Variants in EPS8 observed in about 807,000 individuals in gnomAD.
EPS8 encodes EGFR pathway substrate 8, signaling adaptor, also known as epidermal growth factor receptor kinase substrate 8.
Under a neutral mutation model 103.8 loss-of-function variants are expected in EPS8, and 42 were observed. The observed-to-expected ratio is 0.40, with a 90% CI of 0.32 to 0.52. The LOEUF (loss-of-function observed/expected upper bound fraction) is 0.52. Ranked by LOEUF, EPS8 falls within the 20% of genes least tolerant of loss-of-function variation. The probability of loss-of-function intolerance (pLI) is 0.40; values close to 1 mark genes in which losing one functional copy is unlikely to be tolerated. For synonymous variants in EPS8, 344 were observed against 344.6 expected (o/e 1.00, Z 0.02); for missense variants, 969 against 1,005.1 (o/e 0.96, Z 0.49).
At chr12:15,768,009 A>C (rs1007174635) in intron 1 of EPS8, among the ~76,000 whole-genome samples, 1 of 152,244 alleles carries the variant, frequency 6.6e-6, no homozygotes, top group African/African-American at 2.4e-5. Flanking sequence ...TGCAGTTAAG[A>C]ATTAACCTAA....
chr12:15,707,201 G>C (rs1565510691), intron 1 of EPS8, among the ~76,000 whole-genome samples: 1 of 152,110 alleles, frequency 6.6e-6, no homozygotes, highest in Admixed American at 6.6e-5. Flanking sequence ...ATGTATTTCA[G>C]GTCAGGGGTT....
intron 1 of EPS8, among the ~76,000 whole-genome samples, chr12:15,719,220 C>T (rs1946567592): frequency 6.6e-6 from 1 of 151,848 alleles, no homozygotes; most frequent in Non-Finnish European, 1.5e-5. Context: ...TATATATACA[C>T]ACATACATAC....
At chr12:15,644,946 A>G (rs2135768222) in intron 15 of EPS8, among the ~76,000 whole-genome samples, 1 of 152,308 alleles carries the variant, frequency 6.6e-6, no homozygotes, top group Non-Finnish European at 1.5e-5. Flanking sequence ...GCTCCTATTA[A>G]GTCCAGCTGA....
chr12:15,671,054 G>T, intron 3 of EPS8, 131 bp from the exon 4 acceptor site: 1 of 559,248 alleles, frequency 1.8e-6, no homozygotes, highest in Non-Finnish European at 3.1e-6. Context: ...TTGCCATTGT[G>T]TGGTGTATCT....
At chr12:15,661,101 A>G (rs1464345791) in intron 9 of EPS8, among the ~76,000 whole-genome samples, 1 of 152,184 alleles carries the variant, frequency 6.6e-6, no homozygotes, top group African/African-American at 2.4e-5. Flanking sequence ...TTACTGATAA[A>G]TGTCCCAATA....
chr12:15,628,571 C>T (rs1469703834), intron 18 of EPS8, among the ~76,000 whole-genome samples: 2 of 152,128 alleles, frequency 1.3e-5, no homozygotes, highest in Non-Finnish European at 2.9e-5. Flanking sequence ...AAAGGAGAAC[C>T]TTTTGGGATC....
At chr12:15,660,410 C>T (rs954651341) in intron 10 of EPS8, among the ~76,000 whole-genome samples, 3 of 151,956 alleles carry the variant, frequency 2.0e-5, no homozygotes, top group Non-Finnish European at 4.4e-5. Flanking sequence ...ATTACAGGCA[C>T]ATGCCACCAT....
chr12:15,741,779 T>C (rs542018154), intron 1 of EPS8, among the ~76,000 whole-genome samples: 22 of 152,248 alleles, frequency 1.4e-4, no homozygotes, highest in African/African-American at 5.3e-4. Flanking sequence ...TTGTTACATA[T>C]GTATACATGT....
chr12:15,765,570 T>C (rs1416597972), intron 1 of EPS8, among the ~76,000 whole-genome samples: 2 of 152,094 alleles, frequency 1.3e-5, no homozygotes, highest in African/African-American at 4.8e-5. Context: ...AAAATTGTTT[T>C]AATTATTAAA....
intron 1 of EPS8, among the ~76,000 whole-genome samples, chr12:15,724,210 C>T (rs948263854): frequency 2.0e-5 from 3 of 152,034 alleles, no homozygotes; most frequent in Non-Finnish European, 2.9e-5. Flanking sequence ...ACCAAAAAGT[C>T]TTCTTTCAAA....
chr12:15,684,664 C>T lies in EPS8; in HGVS notation c.-21-1692G>A, dbSNP rs556610995. 5.9e-5 allele frequency among the ~76,000 whole-genome samples: 9 copies of T among 152,032 alleles called. No homozygotes were observed. The highest frequency in any genetic ancestry group is 4.2e-4 in the South Asian group (2 of 4,810). On this transcript the variant is annotated intron_variant, in intron 1 of 20. Transcript: ENST00000281172. This position sits in a 1 kb window ranked among gnomAD's most constrained non-coding sequence, Gnocchi z 4.9. The stretch of plus-strand genomic sequence containing the variant: ...CTCTATTTTAAATCTGCTAGAAGTT[C>T]GGAGAGGGAAAAGGCCATGAAGACT...
At position 15,651,013 on chromosome 12, in the gene EPS8, G is replaced by A; in HGVS notation, c.1251-7C>T. On this transcript the variant is annotated splice_polypyrimidine_tract_variant and splice_region_variant and intron_variant, in intron 13 of 20. Transcript: ENST00000281172. ...TTCTTTTGGCCACTCTGCTCTGCAGGAGGGAATGAAGGCATATAAACAATA... is the reference window on the plus strand; with the variant it reads ...TTCTTTTGGCCACTCTGCTCTGCAGAAGGGAATGAAGGCATATAAACAATA... The A allele has an allele frequency of 6.2e-7, 1 of 1,610,490 alleles. No individual in the cohort carries two copies. The highest frequency in any genetic ancestry group is 1.1e-5 in the South Asian group (1 of 90,292).
intron 1 of EPS8, among the ~76,000 whole-genome samples, chr12:15,729,363 T>A (rs760752404): frequency 5.3e-5 from 8 of 152,206 alleles, no homozygotes; most frequent in Non-Finnish European, 7.4e-5. Flanking sequence ...CTTTCTCTCT[T>A]TCTTCTCCTC....
rs185718560 is a variant in EPS8 at position 15,738,019 on chromosome 12, A to T, written c.-22+51142T>A. Among the ~76,000 whole-genome samples, 1,213 of 152,274 alleles carry T rather than the reference A, an allele frequency of 8.0e-3. 14 individuals carry two copies. The highest frequency in any genetic ancestry group is 0.027 in the African/African-American group (1,132 of 41,568). ...AAACTTTAAAATTAGCTAAACAAAT[A>T]GTAAATGAGGGGAATTCGCTCTTCA... On this transcript the variant is annotated intron_variant, in intron 1 of 20. Coordinates refer to ENST00000281172, the MANE Select transcript of EPS8 (RefSeq NM_004447.6). This position sits in a 1 kb window ranked among gnomAD's most constrained non-coding sequence, Gnocchi z 6.2.
At chr12:15,666,148 T>C (rs1263575718) in intron 7 of EPS8, among the ~76,000 whole-genome samples, 1 of 152,244 alleles carries the variant, frequency 6.6e-6, no homozygotes, top group Non-Finnish European at 1.5e-5. Context: ...ATTACAATCC[T>C]ACTGTCTAGC....
rs1218718050 is a variant in EPS8, at chr12:15,736,754, T to C, written c.-22+52407A>G. 6.6e-6 allele frequency among the ~76,000 whole-genome samples: 1 copy of C among 152,044 alleles called. No homozygotes were observed. Among genetic ancestry groups the C allele is most frequent in the Non-Finnish European group, 1.5e-5 (1 of 68,010 alleles). ...ACATAAGATGCAAAGAAAAAATGCA[T>C]AAGGCATCCTCAGAGTATGTGATAT... On this transcript the variant is annotated intron_variant, in intron 1 of 20. Transcript: ENST00000281172. This position sits in a 1 kb window ranked among gnomAD's most constrained non-coding sequence, Gnocchi z 4.2.
intron 15 of EPS8, among the ~76,000 whole-genome samples, chr12:15,643,934 G>T (rs1426404110): frequency 6.6e-6 from 1 of 152,118 alleles, no homozygotes. Flanking sequence ...TATAAAACTC[G>T]AAGGCGTGGG....
chr12:15,750,530 G>C (rs1387425172), intron 1 of EPS8, among the ~76,000 whole-genome samples: 1 of 152,152 alleles, frequency 6.6e-6, no homozygotes, highest in Non-Finnish European at 1.5e-5. Flanking sequence ...GACAATGTTA[G>C]AGTCCAGAAG....
rs1162712872 is a variant in EPS8, at chr12:15,700,957, G to A, written c.-21-17985C>T. On this transcript the variant is annotated intron_variant, in intron 1 of 20. Coordinates refer to ENST00000281172, the MANE Select transcript of EPS8 (RefSeq NM_004447.6). This position sits in a 1 kb window ranked among gnomAD's most constrained non-coding sequence, Gnocchi z 5.1. ...TTCATAAACATACGGTCAGGAGAAAGGAGACTTTAAAAATAGTCAAAAATT... is the reference window on the plus strand; with the variant it reads ...TTCATAAACATACGGTCAGGAGAAAAGAGACTTTAAAAATAGTCAAAAATT... Among the ~76,000 whole-genome samples the A allele has an allele frequency of 6.6e-6, 1 of 152,064 alleles. No homozygotes were observed. Among genetic ancestry groups the A allele is most frequent in the Non-Finnish European group, 1.5e-5 (1 of 68,024 alleles).
Sources: allele counts gnomAD v4.1 joint callset (sites outside exome capture counted in the v4.1 genomes callset), GRCh38; gene constraint gnomAD v4.1.1; non-coding constraint Gnocchi (gnomAD v3.1); transcripts MANE v1.5; gene names NCBI Gene and HGNC (gene_info 2026-07-23, HGNC 2026-07-21).